The following TCF7L1 variants were observed in gnomAD, a reference collection of about 807,000 sequenced individuals.
TCF7L1 encodes the protein transcription factor 7-like 1.
Under a neutral mutation model 63.7 loss-of-function variants are expected in TCF7L1, and 18 were observed. The observed-to-expected ratio is 0.28, with a 90% CI of 0.20 to 0.42. The LOEUF is 0.42. Ranked by LOEUF, TCF7L1 falls within the 10% of genes least tolerant of loss-of-function variation. TCF7L1 has a pLI of 1.00. For synonymous variants in TCF7L1, 355 were observed against 340.9 expected (o/e 1.04, Z -0.46); for missense variants, 654 against 779.3 (o/e 0.84, Z 1.91).
chr2:85,165,107 G>C lies in TCF7L1; in HGVS notation c.441+30657G>C, dbSNP rs929271339. Among the ~76,000 whole-genome samples the C allele has an allele frequency of 2.6e-5, 4 of 152,350 alleles. 1 individual carries two copies. Among genetic ancestry groups the C allele is most frequent in the Admixed American group, 2.6e-4 (4 of 15,302 alleles). On this transcript the variant is annotated intron_variant, in intron 3 of 11. Transcript: ENST00000282111. ...CTACCAAGGAGTGGTCTGTGGCATTGAAGAGGATAGGGATCCTTGGTTTGC... is the reference window on the plus strand; with the variant it reads ...CTACCAAGGAGTGGTCTGTGGCATTCAAGAGGATAGGGATCCTTGGTTTGC...
intron 3 of TCF7L1, among the ~76,000 whole-genome samples, chr2:85,163,719 G>T (rs1294847800): frequency 6.6e-6 from 1 of 152,124 alleles, no homozygotes; most frequent in African/African-American, 2.4e-5. Flanking sequence ...GGCAGGGTTG[G>T]TTCCCTCTGA....
chr2:85,276,503 T>A (rs1295837494), intron 3 of TCF7L1, among the ~76,000 whole-genome samples: 2 of 152,190 alleles, frequency 1.3e-5, no homozygotes, highest in African/African-American at 4.8e-5. Context: ...ACTATAACCG[T>A]ATTATAAATG....
chr2:85,261,090 T>C (rs1680846545), intron 3 of TCF7L1, among the ~76,000 whole-genome samples: 1 of 151,734 alleles, frequency 6.6e-6, no homozygotes, highest in Admixed American at 6.6e-5. Context: ...ACTCAAGTGT[T>C]ATTTGTTTTC....
intron 3 of TCF7L1, among the ~76,000 whole-genome samples, chr2:85,274,230 C>T (rs992776181): frequency 2.0e-5 from 3 of 152,150 alleles, no homozygotes; most frequent in African/African-American, 7.2e-5. Flanking sequence ...AGGTCACAGC[C>T]GATGGGAGAG....
Position 85,134,553 on chromosome 2 carries a change from T to A in TCF7L1, c.441+103T>A, listed in dbSNP as rs772488791. ...TGGGGGATGGGGCCTTCTGCGCCGA[T>A]CCCAAGCAGAACTTGTTTGCGGAGT... On this transcript the variant is annotated intron_variant, in intron 3 of 11. Coordinates refer to ENST00000282111, the MANE Select transcript of TCF7L1 (RefSeq NM_031283.3). This position sits in a 1 kb window ranked among gnomAD's most constrained non-coding sequence, Gnocchi z 5.0. The A allele has an allele frequency of 5.9e-5, 85 of 1,433,416 alleles. 1 individual carries two copies. The highest frequency in any genetic ancestry group is 7.6e-5 in the Non-Finnish European group (82 of 1,084,120). 88.8% of individuals were successfully genotyped at this position (1,433,416 alleles called of 1,614,324 possible).
At chr2:85,212,369 T>C (rs1642586562) in intron 3 of TCF7L1, among the ~76,000 whole-genome samples, 1 of 152,126 alleles carries the variant, frequency 6.6e-6, no homozygotes, top group Non-Finnish European at 1.5e-5. Context: ...CCTGATCTTG[T>C]TGTGGGGATT....
chr2:85,261,074 A>G (rs1360004135), intron 3 of TCF7L1, among the ~76,000 whole-genome samples: 1 of 151,414 alleles, frequency 6.6e-6, no homozygotes, highest in Middle Eastern at 3.2e-3. Flanking sequence ...TAGAATTTGC[A>G]CATATACTCA....
intron 3 of TCF7L1, among the ~76,000 whole-genome samples, chr2:85,194,860 C>CTTTTTGTGAACCACAGTTTG (rs1252079246): frequency 1.3e-5 from 2 of 152,196 alleles, no homozygotes; most frequent in African/African-American, 4.8e-5. Flanking sequence ...CGCAGGCACA[C>CTTTTTGTGAACCACAGTTTG]TGGTTCAAGT....
chr2:85,236,396 TC>T (rs1680193222), intron 3 of TCF7L1, among the ~76,000 whole-genome samples: 1 of 152,042 alleles, frequency 6.6e-6, no homozygotes, highest in African/African-American at 2.4e-5. Flanking sequence ...GGTCCATACT[TC>T]CCCCGTTTGT....
intron 3 of TCF7L1, among the ~76,000 whole-genome samples, chr2:85,170,314 A>G (rs1272615358): frequency 6.6e-6 from 1 of 152,188 alleles, no homozygotes; most frequent in Non-Finnish European, 1.5e-5. Flanking sequence ...GAGCAATCTC[A>G]CTTTGTAAAA....
In TCF7L1 at chr2:85,188,262, T is replaced by TAC. The variant is rs145628618; in HGVS notation, c.441+53825_441+53826dup. Among the ~76,000 whole-genome samples the TAC allele has an allele frequency of 1.0e-3, 154 of 151,656 alleles. 2 individuals are homozygous for TAC. The East Asian group carries it at 0.021, about 21-fold the overall frequency. ...TGACAAAATTACATAGGGCTACACA[T>TAC]ACACACACACACACGAGTGTTTGTA... is the stretch of plus-strand genomic sequence containing the variant. On this transcript the variant is annotated intron_variant, in intron 3 of 11. Coordinates refer to ENST00000282111, the MANE Select transcript of TCF7L1 (RefSeq NM_031283.3).
intron 3 of TCF7L1, among the ~76,000 whole-genome samples, chr2:85,151,812 A>ATG (rs1678023016): frequency 6.6e-6 from 1 of 152,158 alleles, no homozygotes; most frequent in Non-Finnish European, 1.5e-5. Flanking sequence ...TTGAAGCCAT[A>ATG]TGTGGCCCAC....
At chr2:85,275,450 A>G (rs375061952) in intron 3 of TCF7L1, among the ~76,000 whole-genome samples, 19 of 152,316 alleles carry the variant, frequency 1.2e-4, no homozygotes, top group African/African-American at 4.6e-4. Context: ...AGCAGAGGAA[A>G]GAGGTGTTTA....
At chr2:85,204,454 A>G (rs1380831002) in intron 3 of TCF7L1, among the ~76,000 whole-genome samples, 1 of 152,174 alleles carries the variant, frequency 6.6e-6, no homozygotes, top group Non-Finnish European at 1.5e-5. Flanking sequence ...AAAAGAACAT[A>G]CTTGAACACA....
intron 3 of TCF7L1, among the ~76,000 whole-genome samples, chr2:85,192,400 T>A (rs1679054287): frequency 6.6e-6 from 1 of 152,152 alleles, no homozygotes; most frequent in Non-Finnish European, 1.5e-5. Flanking sequence ...TATTTTTTTT[T>A]TATTTATTTT....
chr2:85,202,239 C>G (rs1232849744), intron 3 of TCF7L1, among the ~76,000 whole-genome samples: 1 of 152,204 alleles, frequency 6.6e-6, no homozygotes, highest in East Asian at 1.9e-4. Context: ...GCTGGGATTA[C>G]AGGCATGAGC....
intron 3 of TCF7L1, among the ~76,000 whole-genome samples, chr2:85,197,687 T>A (rs1679189119): frequency 1.3e-5 from 2 of 152,376 alleles, no homozygotes; most frequent in South Asian, 4.1e-4. Flanking sequence ...TCACCCTGCC[T>A]TTTAGGATGC....
intron 3 of TCF7L1, among the ~76,000 whole-genome samples, chr2:85,225,574 T>C (rs1314414510): frequency 1.3e-5 from 2 of 152,096 alleles, no homozygotes; most frequent in Non-Finnish European, 2.9e-5. Context: ...TTTGGCTCTC[T>C]GTTTGTCTGT....
chr2:85,135,064 G>T (rs1034610938), intron 3 of TCF7L1, among the ~76,000 whole-genome samples: 2 of 152,078 alleles, frequency 1.3e-5, no homozygotes, highest in African/African-American at 4.8e-5. Flanking sequence ...CCCTTTTGTC[G>T]CCTGCTTTTC....
Sources: allele counts gnomAD v4.1 joint callset (sites outside exome capture counted in the v4.1 genomes callset), GRCh38; gene constraint gnomAD v4.1.1; non-coding constraint Gnocchi (gnomAD v3.1); transcripts MANE v1.5; gene names NCBI Gene and HGNC (gene_info 2026-07-23, HGNC 2026-07-21).